The following CYP26C1 variants were observed in gnomAD, a reference collection of about 807,000 sequenced individuals.
CYP26C1 encodes cytochrome P450 family 26 subfamily C member 1.
In CYP26C1, 41 loss-of-function variants were observed where a neutral mutation model predicts 39.1. That is an observed-to-expected ratio of 1.05 (90% CI 0.82 to 1.36). The LOEUF (loss-of-function observed/expected upper bound fraction) is 1.36, where lower values mean the gene tolerates loss of function less well. Among genes scored for constraint, CYP26C1 ranks in the 40% most tolerant of loss-of-function variants. The pLI, the probability that CYP26C1 is intolerant of heterozygous loss-of-function variation, is 0.00. For synonymous variants in CYP26C1, 362 were observed against 350.8 expected, an observed-to-expected ratio of 1.03 and a Z score of -0.36; for missense variants, 833 against 752.0, an observed-to-expected ratio of 1.11 and a Z score of -1.26.
Position 93,068,332 on chromosome 10 carries a change from C to T in CYP26C1, c.1204C>T (p.Pro402Ser). The change falls in exon 6 of 6, where the codon CCC (proline) becomes TCC (serine). Residue 402 changes from proline to serine, a missense_variant. Transcript: ENST00000651965. ...RTFELDGYQI[P>S]KGWSVMYSIR... is the part of the protein sequence containing the mutation. Reference sequence around the variant, plus strand: ...CGCCTCTCTGCAGGGCTACCAGATCCCCAAGGGCTGGAGCGTGATGTATAG... The same window carrying T: ...CGCCTCTCTGCAGGGCTACCAGATCTCCAAGGGCTGGAGCGTGATGTATAG... 1 of 1,522,238 alleles carries T rather than the reference C, an allele frequency of 6.6e-7. No homozygotes were observed. The highest frequency in any genetic ancestry group is 8.8e-7 in the Non-Finnish European group (1 of 1,137,046). 94.3% of individuals were successfully genotyped at this position (1,522,238 alleles called of 1,614,324 possible). A position where few individuals can be genotyped will look rare whatever the true frequency, so the allele number is the denominator to read the frequency against.
In CYP26C1 at chr10:93,062,743, C is replaced by T. The variant is rs1442335040; in HGVS notation, c.453C>T (p.Arg151=). Residue 151 remains arginine (R), a synonymous_variant, in exon 3 of 6, where the codon CGC becomes CGT. Coordinates refer to ENST00000651965, the MANE Select transcript of CYP26C1 (RefSeq NM_183374.3). ...RRKVLARVFS[R]AALERYVPRL... ...AGGTCCTGGCGCGCGTGTTCAGCCG[C>T]GCCGCGCTGGAGCGCTACGTGCCGC... 6.9e-7 allele frequency: 1 copy of T among 1,443,790 alleles called. No homozygotes were observed. The highest frequency in any genetic ancestry group is 9.0e-7 in the Non-Finnish European group (1 of 1,109,534). 89.4% of individuals were successfully genotyped at this position (1,443,790 alleles called of 1,614,324 possible). A position where few individuals can be genotyped will look rare whatever the true frequency, so the allele number is the denominator to read the frequency against.
chr10:93,062,271 A>G, intron 2 of CYP26C1, 37 bp downstream of exon 2: 1 of 1,488,350 alleles, frequency 6.7e-7, no homozygotes, highest in Middle Eastern at 2.4e-4. Context: ...GATACGTCGG[A>G]TCCGCGGTCC....
intron 3 of CYP26C1, 151 bp from the exon 4 acceptor site, chr10:93,064,230 C>T (rs1490070430): frequency 2.8e-6 from 4 of 1,432,712 alleles, no homozygotes; most frequent in Admixed American, 5.7e-5. Context: ...ATTTACTGAG[C>T]CCAGCCATAT....
rs1484902851 is a variant in CYP26C1 at position 93,061,231 on chromosome 10, C to T, written c.-33C>T. 6.5e-7 allele frequency: 1 copy of T among 1,542,624 alleles called. No homozygotes were observed. Among genetic ancestry groups the T allele is most frequent in the Non-Finnish European group, 8.7e-7 (1 of 1,146,964 alleles). ...GTTCTTGCGTCCCCTGCTCTCCCTG[C>T]GCTCTGAGCGGCCTGGCCCCCGCGG... On this transcript the variant is annotated 5_prime_UTR_variant, in exon 1 of 6. Transcript: ENST00000651965.
chr10:93,064,811 T>C, intron 4 of CYP26C1: 6 of 1,138,594 alleles, frequency 5.3e-6, no homozygotes, highest in Non-Finnish European at 6.5e-6. Context: ...CAAATGGCTC[T>C]CTCTCCTTTC....
chr10:93,066,164 A>C lies in CYP26C1; in HGVS notation c.1070A>C (p.Asp357Ala). 1 of 1,426,644 alleles carries C rather than the reference A, an allele frequency of 7.0e-7. No homozygotes were observed. 88.4% of individuals were successfully genotyped at this position (1,426,644 alleles called of 1,614,324 possible). Residue 357 changes from aspartate to alanine, a missense_variant, in exon 5 of 6, where the codon GAC becomes GCC. Transcript: ENST00000651965. ...CCGCCCGACTGCGGCTGCGAGCCCG[A>C]CCTCAGCCTCGCGGCGCTGGGCCGT... ...GPPPDCGCEP[D>A]LSLAALGRLR... is the part of the protein sequence containing the mutation.
chr10:93,068,435 C>G lies in CYP26C1; in HGVS notation c.1307C>G (p.Ala436Gly). 2.5e-6 allele frequency: 4 copies of G among 1,612,172 alleles called. No individual in the cohort carries two copies. Among genetic ancestry groups the G allele is most frequent in the Non-Finnish European group, 3.4e-6 (4 of 1,179,584 alleles). Reference protein sequence around the residue: ...EGFDPERFGAAREDSRGASSR... With the variant: ...EGFDPERFGAGREDSRGASSR... ...TTCGATCCAGAGCGCTTCGGCGCAG[C>G]GCGCGAAGATTCCCGGGGCGCCTCC... Residue 436 changes from alanine (A) to glycine (G), a missense_variant, in exon 6 of 6, where the codon GCG becomes GGG. Physicochemically the swap from Ala to Gly is moderately conservative, Grantham distance 60 (BLOSUM62 0). Transcript: ENST00000651965.
Position 93,062,972 on chromosome 10 carries a change from G to T in CYP26C1, c.682G>T (p.Val228Phe). Residue 228 changes from valine to phenylalanine, a missense_variant, in exon 3 of 6, where the codon GTT becomes TTT. Physicochemically the swap from Val to Phe is conservative, Grantham distance 50. Transcript: ENST00000651965. The stretch of plus-strand genomic sequence containing the variant: ...GAACCTCTTCTCACTGCCTCTGGAC[G>T]TTCCCTTCAGTGGCCTACGCAAGGT... ...VENLFSLPLD[V>F]PFSGLRKGIR... 1 of 1,593,276 alleles carries T rather than the reference G, an allele frequency of 6.3e-7. No homozygotes were observed. The highest frequency in any genetic ancestry group is 8.5e-7 in the Non-Finnish European group (1 of 1,173,654).
intron 3 of CYP26C1, 169 bp from the exon 4 acceptor site, chr10:93,064,212 C>A (rs1016206979): frequency 4.9e-5 from 70 of 1,416,600 alleles, no homozygotes; most frequent in Middle Eastern, 2.6e-4. Flanking sequence ...GTGGACATAT[C>A]CCCGACCATT....
At chr10:93,066,543 T>C (rs1846832118) in intron 5 of CYP26C1, among the ~76,000 whole-genome samples, 1 of 152,200 alleles carries the variant, frequency 6.6e-6, no homozygotes, top group African/African-American at 2.4e-5. Context: ...ACCCTTCAGC[T>C]TTTGGCAGCG....
At chr10:93,063,670 C>T in intron 3 of CYP26C1, 1 of 984,270 alleles carries the variant, frequency 1.0e-6, no homozygotes, top group African/African-American at 1.7e-5. Context: ...ATGCTATAGG[C>T]TGATCACCGT....
In CYP26C1 at chr10:93,062,107, A is replaced by G; in HGVS notation, c.302A>G (p.Asn101Ser). The change falls in exon 2 of 6, where the codon AAC becomes AGC. Residue 101 changes from asparagine (N) to serine (S), a missense_variant. Coordinates refer to ENST00000651965, the MANE Select transcript of CYP26C1 (RefSeq NM_183374.3). ...GTGATCCGCGTGAGCGGCGCGGAGA[A>G]CGTGCGCACCATCCTGCTGGGCGAG... ...RPVIRVSGAE[N>S]VRTILLGEHR... 3 of 1,564,648 alleles carry G rather than the reference A, an allele frequency of 1.9e-6. No individual in the cohort carries two copies. The highest frequency in any genetic ancestry group is 2.7e-5 in the African/African-American group (2 of 74,178).
At chr10:93,064,732 C>G in intron 4 of CYP26C1, 196 bp downstream of exon 4, 2 of 1,298,398 alleles carry the variant, frequency 1.5e-6, no homozygotes, top group Non-Finnish European at 2.0e-6. Flanking sequence ...CCTTCAGCCT[C>G]CAGCCAGCCT....
In CYP26C1 at chr10:93,061,999, C is replaced by A. The variant is rs374838912; in HGVS notation, c.205-11C>A. On this transcript the variant is annotated splice_polypyrimidine_tract_variant and intron_variant, in intron 1 of 5. Transcript: ENST00000651965. ...GAAGTTCCAGCTCTCCACCCTCCGC[C>A]TCGCCCGCAGGGCTCGCGCTTCCAC... The A allele has an allele frequency of 2.6e-6, 4 of 1,553,092 alleles. No individual in the cohort carries two copies. The highest frequency in any genetic ancestry group is 3.5e-6 in the Non-Finnish European group (4 of 1,147,912).
At chr10:93,061,716 G>C (rs1410299325) in intron 1 of CYP26C1, among the ~76,000 whole-genome samples, 1 of 152,218 alleles carries the variant, frequency 6.6e-6, no homozygotes, top group Non-Finnish European at 1.5e-5. Flanking sequence ...AGGGGTTTTA[G>C]GAAGGGGTCT....
At position 93,068,956 on chromosome 10, in the gene CYP26C1, T is replaced by A; in HGVS notation, c.*259T>A. 1 of 514,352 alleles carries A rather than the reference T, an allele frequency of 1.9e-6. No homozygotes were observed. The highest frequency in any genetic ancestry group is 3.2e-6 in the Non-Finnish European group (1 of 315,060). The allele number at this position is 514,352 out of a possible 1,614,324, so 31.9% of individuals were successfully genotyped here. ...CGCGCCCAGAGGAAGGAAAATGTCG[T>A]GGGCCAAGCAGGAATGGAGGGAATA... On this transcript the variant is annotated 3_prime_UTR_variant, in exon 6 of 6. Coordinates refer to ENST00000651965, the MANE Select transcript of CYP26C1 (RefSeq NM_183374.3).
chr10:93,063,390 G>A (rs1316086957), intron 3 of CYP26C1: 4 of 1,011,372 alleles, frequency 4.0e-6, no homozygotes, highest in Non-Finnish European at 2.4e-6. Flanking sequence ...CTGCGGAACC[G>A]AGGAGAGCGT....
At chr10:93,064,679 C>T in intron 4 of CYP26C1, 143 bp downstream of exon 4, 1 of 1,430,852 alleles carries the variant, frequency 7.0e-7, no homozygotes, top group Non-Finnish European at 9.1e-7. Flanking sequence ...AAGAGGAGAC[C>T]TGGGTTCCAG....
chr10:93,063,305 G>C (rs1846776320), intron 3 of CYP26C1: 1 of 1,145,018 alleles, frequency 8.7e-7, no homozygotes, highest in African/African-American at 1.6e-5. Context: ...CAGGCGTCCT[G>C]CCAGTCGGTC....
Sources: gnomAD v4.1 joint callset for allele counts (sites outside exome capture counted in the v4.1 genomes callset) on GRCh38, gnomAD v4.1.1 for gene constraint, MANE v1.5 for transcripts, NCBI Gene and HGNC (gene_info 2026-07-23, HGNC 2026-07-21) for gene names.